FOXK1: variants seen among roughly 807,000 people sequenced by gnomAD.
FOXK1 encodes the protein forkhead box protein K1.
A neutral mutation model predicts 51.9 loss-of-function variants in FOXK1; 19 were observed. That is an observed-to-expected ratio of 0.37 (90% CI 0.26 to 0.54). The LOEUF (loss-of-function observed/expected upper bound fraction) is 0.54. Ranked by LOEUF, FOXK1 falls within the 20% of genes least tolerant of loss-of-function variation. The pLI is 0.87. For missense variants in FOXK1, 870 were observed against 1,032.7 expected (o/e 0.84, Z 2.16); for synonymous variants, 537 against 482.6 (o/e 1.11, Z -1.48).
intron 1 of FOXK1, among the ~76,000 whole-genome samples, chr7:4,687,036 C>A (rs961837676): frequency 9.9e-5 from 15 of 151,202 alleles, no homozygotes; most frequent in African/African-American, 3.7e-4. Context: ...GGGTTCACAC[C>A]ATTCTCCTGC....
In FOXK1 at chr7:4,764,979, G is replaced by GT. The variant is rs1388825105; in HGVS notation, c.*2516dup. On this transcript the variant is annotated 3_prime_UTR_variant, in exon 9 of 9. Transcript: ENST00000328914. ...TTGCCAAGGGCGTGGAAAGGGGGTGGTGGATGGAGCCGGGAGGTGGCGAGC... is the reference window on the plus strand; with the variant it reads ...TTGCCAAGGGCGTGGAAAGGGGGTGGTTGGATGGAGCCGGGAGGTGGCGAGC... 3.3e-5 allele frequency: 5 copies of GT among 152,470 alleles called. No homozygotes were observed. The highest frequency in any genetic ancestry group is 1.2e-4 in the African/African-American group (5 of 41,464). 9.4% of individuals were successfully genotyped at this position (152,470 alleles called of 1,614,324 possible).
chr7:4,691,952 T>A (rs1779897902), intron 1 of FOXK1, among the ~76,000 whole-genome samples: 1 of 152,170 alleles, frequency 6.6e-6, no homozygotes. Context: ...CAGATTTGTT[T>A]TAGTCTCAGG....
chr7:4,704,078 C>T lies in FOXK1; in HGVS notation c.560+21210C>T, dbSNP rs754648135. Among the ~76,000 whole-genome samples, 9 of 152,106 alleles carry T rather than the reference C, an allele frequency of 5.9e-5. 1 individual carries two copies. Among genetic ancestry groups the T allele is most frequent in the Non-Finnish European group, 1.3e-4 (9 of 68,018 alleles). On this transcript the variant is annotated intron_variant, in intron 1 of 8. Transcript: ENST00000328914. The stretch of plus-strand genomic sequence containing the variant: ...AACCCTGGTAGCGTCTGCCAGTAGC[C>T]ACACCGAAAGGGTCTACCAAGGGTA...
At position 4,709,463 on chromosome 7, in the gene FOXK1, C is replaced by G. The variant is rs1359790282; in HGVS notation, c.560+26595C>G. Among the ~76,000 whole-genome samples the G allele has an allele frequency of 6.6e-6, 1 of 152,148 alleles. No homozygotes were observed. Among genetic ancestry groups the G allele is most frequent in the Non-Finnish European group, 1.5e-5 (1 of 68,036 alleles). On this transcript the variant is annotated intron_variant, in intron 1 of 8. Coordinates refer to ENST00000328914, the MANE Select transcript of FOXK1 (RefSeq NM_001037165.2). This position sits in a 1 kb window ranked among gnomAD's most constrained non-coding sequence, Gnocchi z 5.6. ...CTTATCTGGACTCGATGTCTCCGAG[C>G]AGATCGAGGCTGGCCCACCCCTGCT...
chr7:4,688,708 T>C (rs1160936885), intron 1 of FOXK1, among the ~76,000 whole-genome samples: 2 of 152,118 alleles, frequency 1.3e-5, no homozygotes, highest in Non-Finnish European at 2.9e-5. Context: ...TGGAGTCACT[T>C]GTCCTGTGTA....
At position 4,682,519 on chromosome 7, in the gene FOXK1, T is replaced by C; in HGVS notation, c.211T>C (p.Ser71Pro). The C allele has an allele frequency of 2.8e-6, 3 of 1,089,582 alleles. No homozygotes were observed. Among genetic ancestry groups the C allele is most frequent in the Non-Finnish European group, 3.3e-6 (3 of 899,756 alleles). The allele number at this position is 1,089,582 out of a possible 1,614,324, so 67.5% of individuals were successfully genotyped here. ...GGGCGCGATCGCGGGCGCGGGCTCC[T>C]CCGGGGGCTCCTCCGGGGTATCCGG... ...PPGAIAGAGS[S>P]GGSSGVSGDS... The change falls in exon 1 of 9, where the codon TCC becomes CCC. Residue 71 changes from serine (S) to proline (P), a missense_variant. By Grantham distance (74) the Ser-to-Pro change is moderately conservative. Coordinates refer to ENST00000328914, the MANE Select transcript of FOXK1 (RefSeq NM_001037165.2). This position sits in a 1 kb window ranked among gnomAD's most constrained non-coding sequence, Gnocchi z 7.6.
intron 1 of FOXK1, among the ~76,000 whole-genome samples, chr7:4,736,660 C>G (rs1780555919): frequency 2.0e-5 from 3 of 152,244 alleles, no homozygotes; most frequent in Admixed American, 2.0e-4. Context: ...GTGATCCGCC[C>G]ACGTTGGCCA....
chr7:4,753,071 A>G lies in FOXK1; in HGVS notation c.747-1388A>G, dbSNP rs1188449841. Among the ~76,000 whole-genome samples the G allele has an allele frequency of 1.7e-4, 26 of 152,160 alleles. No homozygotes were observed. The highest frequency in any genetic ancestry group is 1.6e-3 in the Admixed American group (24 of 15,272). On this transcript the variant is annotated intron_variant, in intron 2 of 8. Transcript: ENST00000328914. The surrounding 1 kb of genome is among the most constrained non-coding windows in gnomAD (Gnocchi z 4.9). Reference sequence around the variant, plus strand: ...CGTGTGGAACTTACCTATCTCTGCCATATTTGGGGAGTCCGTTGTAAGAGA... The same window carrying G: ...CGTGTGGAACTTACCTATCTCTGCCGTATTTGGGGAGTCCGTTGTAAGAGA...
intron 2 of FOXK1, among the ~76,000 whole-genome samples, chr7:4,746,329 T>C (rs1310858159): frequency 2.0e-5 from 3 of 152,216 alleles, no homozygotes; most frequent in Admixed American, 6.5e-5. Context: ...TGGAGGTTAT[T>C]GGATCTACGT....
In FOXK1 at chr7:4,747,931, G is replaced by A. The variant is rs563642492; in HGVS notation, c.747-6528G>A. 5.6e-4 allele frequency among the ~76,000 whole-genome samples: 85 copies of A among 150,734 alleles called. No homozygotes were observed. Among genetic ancestry groups the A allele is most frequent in the East Asian group, 1.6e-3 (8 of 5,052 alleles). On this transcript the variant is annotated intron_variant, in intron 2 of 8. Coordinates refer to ENST00000328914, the MANE Select transcript of FOXK1 (RefSeq NM_001037165.2). This position sits in a 1 kb window ranked among gnomAD's most constrained non-coding sequence, Gnocchi z 9.2. ...TCCGGTCACGGCTCGCTGCAGCCTC[G>A]ACCTCCGGGACTCAAGCGATCCTCC...
rs1027052111 is a variant in FOXK1 at position 4,764,440 on chromosome 7, G to A, written c.*1976G>A. ...CAGGATGAACACAGCCGGCTGTCCTGGGTGCAGTTACGTCCGTGGAGGGTG... is the reference window on the plus strand; with the variant it reads ...CAGGATGAACACAGCCGGCTGTCCTAGGTGCAGTTACGTCCGTGGAGGGTG... On this transcript the variant is annotated 3_prime_UTR_variant, in exon 9 of 9. Transcript: ENST00000328914. 1.3e-5 allele frequency: 2 copies of A among 154,538 alleles called. No homozygotes were observed. Among genetic ancestry groups the A allele is most frequent in the African/African-American group, 4.8e-5 (2 of 41,538 alleles). 9.6% of individuals were successfully genotyped at this position (154,538 alleles called of 1,614,324 possible).
At chr7:4,720,925 A>G (rs999132884) in intron 1 of FOXK1, among the ~76,000 whole-genome samples, 2 of 151,906 alleles carry the variant, frequency 1.3e-5, no homozygotes, top group Admixed American at 6.6e-5. Context: ...CATAAAAGAA[A>G]AAAAAAACTC....
At chr7:4,708,563 T>C (rs997928789) in intron 1 of FOXK1, among the ~76,000 whole-genome samples, 2 of 152,192 alleles carry the variant, frequency 1.3e-5, no homozygotes, top group African/African-American at 4.8e-5. Context: ...GTTTAAGAAA[T>C]TGATATCATA....
intron 1 of FOXK1, among the ~76,000 whole-genome samples, chr7:4,713,614 C>G (rs896402135): frequency 6.6e-6 from 1 of 151,326 alleles, no homozygotes; most frequent in Non-Finnish European, 1.5e-5. Flanking sequence ...GCCTTAGCCT[C>G]CCGAGTTGCT....
chr7:4,721,240 G>T (rs1369869581), intron 1 of FOXK1, among the ~76,000 whole-genome samples: 1 of 152,144 alleles, frequency 6.6e-6, no homozygotes. Context: ...TGGACATCGT[G>T]GGGGCTTTGC....
chr7:4,721,077 G>A (rs969239362), intron 1 of FOXK1, among the ~76,000 whole-genome samples: 2 of 152,112 alleles, frequency 1.3e-5, no homozygotes, highest in African/African-American at 2.4e-5. Context: ...GGCCCTCCGT[G>A]CCCCGTCCCT....
At chr7:4,728,877 A>G (rs1160786255) in intron 1 of FOXK1, among the ~76,000 whole-genome samples, 1 of 152,240 alleles carries the variant, frequency 6.6e-6, no homozygotes, top group Non-Finnish European at 1.5e-5. Context: ...GTCTATGCAG[A>G]TAAACCAGCG....
rs537263442 is a variant in FOXK1 at position 4,729,988 on chromosome 7, G to A, written c.561-10850G>A. On this transcript the variant is annotated intron_variant, in intron 1 of 8. Transcript: ENST00000328914. This position sits in a 1 kb window ranked among gnomAD's most constrained non-coding sequence, Gnocchi z 6.2. ...CTGGGCGACAGAGCGAGACTCTGTC[G>A]AAACAATTTAAATAAAAAAAAGAAA... Among the ~76,000 whole-genome samples the A allele has an allele frequency of 9.2e-5, 14 of 152,032 alleles. No individual in the cohort carries two copies. In the East Asian group the frequency reaches 9.7e-4, roughly 10 times the overall value.
chr7:4,705,552 T>TCCCGCTCTCGCTCTCGCTCTCGCTCTCG (rs760518643), intron 1 of FOXK1, among the ~76,000 whole-genome samples: 1 of 143,582 alleles, frequency 7.0e-6, no homozygotes, highest in African/African-American at 2.7e-5. Flanking sequence ...TCTCTCTCTC[T>TCCCGCTCTCGCTCTCGCTCTCGCTCTCG]CTCTCTCGCT....
Sources: gnomAD v4.1 joint callset for allele counts (sites outside exome capture counted in the v4.1 genomes callset) on GRCh38, gnomAD v4.1.1 for gene constraint, Gnocchi (gnomAD v3.1) non-coding constraint, MANE v1.5 for transcripts, NCBI Gene and HGNC (gene_info 2026-07-23, HGNC 2026-07-21) for gene names.